FARP1: variants seen among roughly 807,000 people sequenced by gnomAD.
FARP1 encodes the protein FERM, ARHGEF and pleckstrin domain-containing protein 1.
Under a neutral mutation model 128.8 loss-of-function variants are expected in FARP1, and 52 were observed. The ratio of observed to expected loss-of-function variants is 0.40; its 90% CI spans 0.32 to 0.51. The LOEUF is 0.51. Ranked by LOEUF, FARP1 falls within the 20% of genes least tolerant of loss-of-function variation. The pLI is 0.45. For synonymous variants in FARP1, 580 were observed against 551.8 expected, an observed-to-expected ratio of 1.05 and a Z score of -0.72; for missense variants, 1,333 against 1,367.9, an observed-to-expected ratio of 0.97 and a Z score of 0.40.
intron 2 of FARP1, among the ~76,000 whole-genome samples, chr13:98,267,479 C>T (rs958681425): frequency 1.1e-4 from 16 of 152,282 alleles, no homozygotes; most frequent in Middle Eastern, 3.4e-3. Flanking sequence ...GGGTTGCAGA[C>T]GCTCCCACCC....
At chr13:98,447,687 T>C (rs2139185167) in intron 26 of FARP1, 1 of 153,712 alleles carries the variant, frequency 6.5e-6, no homozygotes, top group East Asian at 1.9e-4. Context: ...AATACACAAA[T>C]ATATAAAAAG....
In FARP1 at chr13:98,220,470, C is replaced by CT. The variant is rs548960753; in HGVS notation, c.171+7063dup. 1.9e-3 allele frequency among the ~76,000 whole-genome samples: 284 copies of CT among 152,238 alleles called. 1 individual carries two copies. The highest frequency in any genetic ancestry group is 6.5e-3 in the African/African-American group (270 of 41,550). ...AGCTTTAAAAAATAAGTCAGCGTTT[C>CT]TTTTTTCTTATCACTGTTTCTTTTG... On this transcript the variant is annotated intron_variant, in intron 2 of 26. Coordinates refer to ENST00000319562, the MANE Select transcript of FARP1 (RefSeq NM_005766.4).
chr13:98,153,567 T>TATTATG (rs397946075), intron 1 of FARP1, among the ~76,000 whole-genome samples: 4 of 97,460 alleles, frequency 4.1e-5, no homozygotes, highest in African/African-American at 1.2e-4. Context: ...TTTATATATA[T>TATTATG]TATATATATA....
chr13:98,358,105 C>T (rs1888714036), intron 3 of FARP1, among the ~76,000 whole-genome samples: 1 of 151,592 alleles, frequency 6.6e-6, no homozygotes, highest in Non-Finnish European at 1.5e-5. Flanking sequence ...TGACTACTTC[C>T]CACACATTCA....
chr13:98,313,195 TC>T (rs1886560577), intron 2 of FARP1, among the ~76,000 whole-genome samples: 1 of 121,270 alleles, frequency 8.2e-6, no homozygotes, highest in African/African-American at 3.3e-5. Context: ...ATCGGGTGGG[TC>T]ATAATACACA....
intron 24 of FARP1, among the ~76,000 whole-genome samples, chr13:98,441,378 G>T (rs1892517624): frequency 6.6e-6 from 1 of 152,238 alleles, no homozygotes; most frequent in Admixed American, 6.5e-5. Context: ...TACATGACAT[G>T]GGAGCCTTCA....
At chr13:98,344,472 A>G (rs1888096701) in intron 3 of FARP1, among the ~76,000 whole-genome samples, 1 of 152,124 alleles carries the variant, frequency 6.6e-6, no homozygotes, top group African/African-American at 2.4e-5. Context: ...GGTGAAGATG[A>G]GTCCCATTCC....
intron 2 of FARP1, among the ~76,000 whole-genome samples, chr13:98,247,143 G>A (rs1370081399): frequency 6.6e-6 from 1 of 152,216 alleles, no homozygotes; most frequent in Non-Finnish European, 1.5e-5. Flanking sequence ...TCGGGAGGCT[G>A]AGGCAGAAGA....
chr13:98,316,651 T>G (rs1206609008), intron 2 of FARP1, among the ~76,000 whole-genome samples: 2 of 152,138 alleles, frequency 1.3e-5, no homozygotes, highest in African/African-American at 4.8e-5. Flanking sequence ...ACAGCTAAAG[T>G]TTTTATTTGT....
intron 1 of FARP1, among the ~76,000 whole-genome samples, chr13:98,184,769 C>G (rs1878751679): frequency 6.6e-6 from 1 of 152,174 alleles, no homozygotes; most frequent in African/African-American, 2.4e-5. Flanking sequence ...AAGATTGTTT[C>G]TAGTACCGTG....
intron 1 of FARP1, among the ~76,000 whole-genome samples, chr13:98,211,553 C>T (rs4451830): frequency 0.54 from 82,399 of 152,110 alleles, 25,040 homozygotes; most frequent in Non-Finnish European, 0.67. Context: ...ACATCTTGAA[C>T]TCTCTGGCTC....
intron 5 of FARP1, among the ~76,000 whole-genome samples, chr13:98,374,822 C>A (rs759765040): frequency 2.0e-5 from 3 of 152,146 alleles, no homozygotes; most frequent in Non-Finnish European, 2.9e-5. Context: ...TGCTTCCACT[C>A]GTGGTAGAAG....
intron 5 of FARP1, among the ~76,000 whole-genome samples, chr13:98,370,995 G>C (rs1227354811): frequency 1.3e-5 from 2 of 152,190 alleles, no homozygotes; most frequent in African/African-American, 4.8e-5. Context: ...GGGCTGCTGG[G>C]TCTTGGTTTC....
intron 2 of FARP1, among the ~76,000 whole-genome samples, chr13:98,286,416 G>T (rs1431581600): frequency 2.0e-5 from 3 of 152,194 alleles, no homozygotes; most frequent in Non-Finnish European, 4.4e-5. Flanking sequence ...CCCCATGGGA[G>T]ATAATTGAAT....
Position 98,440,764 on chromosome 13 carries a change from C to T in FARP1, c.2724C>T (p.Gly908=), listed in dbSNP as rs1255014451. 6.2e-7 allele frequency: 1 copy of T among 1,613,394 alleles called. No homozygotes were observed. The highest frequency in any genetic ancestry group is 1.7e-5 in the Admixed American group (1 of 60,008). The change falls in exon 24 of 27, where the codon GGC becomes GGT. Residue 908 remains glycine, a synonymous_variant. Coordinates refer to ENST00000319562, the MANE Select transcript of FARP1 (RefSeq NM_005766.4). The part of the protein sequence containing the change: ...TSLERQAPHR[G]NTMVHVCWHR... ...TGGAGCGCCAGGCCCCGCACCGCGG[C>T]AACACAATGGTGCACGTGTGCTGGC...
chr13:98,175,293 TGGGAGAGGAATACATTGCCATTTTAA>T (rs1330381730), intron 1 of FARP1, among the ~76,000 whole-genome samples: 5 of 152,206 alleles, frequency 3.3e-5, no homozygotes, highest in African/African-American at 9.7e-5. Flanking sequence ...GTGTTTGTCT[TGGGAGAGGAATACATTGCCATTTTAA>T]GGGAGAGGAT....
chr13:98,205,747 C>T (rs1432550514), intron 1 of FARP1, among the ~76,000 whole-genome samples: 1 of 152,066 alleles, frequency 6.6e-6, no homozygotes, highest in Non-Finnish European at 1.5e-5. Flanking sequence ...CCCATTAGGT[C>T]CTTCATATTT....
chr13:98,149,558 A>G (rs1875824059), intron 1 of FARP1, among the ~76,000 whole-genome samples: 1 of 152,136 alleles, frequency 6.6e-6, no homozygotes, highest in Admixed American at 6.6e-5. Flanking sequence ...TGAGACTTCT[A>G]GTTACTCCAA....
At position 98,453,225 on chromosome 13, in the gene FARP1, G is replaced by A. The variant is rs765420585; in HGVS notation, c.*4908G>A. 1 of 1,611,888 alleles carries A rather than the reference G, an allele frequency of 6.2e-7. No homozygotes were observed. The highest frequency in any genetic ancestry group is 1.1e-5 in the South Asian group (1 of 90,810). On this transcript the variant is annotated 3_prime_UTR_variant, in exon 27 of 27. Coordinates refer to ENST00000319562, the MANE Select transcript of FARP1 (RefSeq NM_005766.4). ...TAGAGAGTATCTAGGGAAAAAGAGA[G>A]AGAGAGAAGTCAACACATGTCATTT...
Sources: gnomAD v4.1 joint callset for allele counts (sites outside exome capture counted in the v4.1 genomes callset) on GRCh38, gnomAD v4.1.1 for gene constraint, MANE v1.5 for transcripts, NCBI Gene and HGNC (gene_info 2026-07-23, HGNC 2026-07-21) for gene names.